The following CDH11 variants were observed in gnomAD, a reference collection of about 807,000 sequenced individuals.
CDH11 encodes the protein cadherin 11.
Under a neutral mutation model 67.8 loss-of-function variants are expected in CDH11, and 11 were observed. The ratio of observed to expected loss-of-function variants is 0.16; its 90% CI spans 0.10 to 0.27. CDH11 has a LOEUF of 0.27. CDH11 is among the 10% of genes least tolerant of loss of function. The probability of loss-of-function intolerance (pLI) is 1.00; values close to 1 mark genes in which losing one functional copy is unlikely to be tolerated. For synonymous variants in CDH11, 419 were observed against 400.0 expected (o/e 1.05, Z -0.57); for missense variants, 847 against 1,031.2 (o/e 0.82, Z 2.45).
At chr16:64,957,600 G>GCACACACA (rs66508762) in intron 11 of CDH11, among the ~76,000 whole-genome samples, 10,831 of 144,958 alleles carry the variant, frequency 0.075, 777 homozygotes, top group African/African-American at 0.19. Flanking sequence ...ACATGCCCGT[G>GCACACACA]CACACACACA....
intron 1 of CDH11, among the ~76,000 whole-genome samples, chr16:65,115,707 C>CAA (rs750108148): frequency 0.059 from 3,519 of 59,228 alleles, 54 homozygotes; most frequent in East Asian, 0.13. Flanking sequence ...AAGGCTACAC[C>CAA]AAAAAAAAAA....
At chr16:64,952,682 ACACT>A (rs34780323) in intron 11 of CDH11, among the ~76,000 whole-genome samples, 39,479 of 151,704 alleles carry the variant, frequency 0.26, 5,901 homozygotes, top group Middle Eastern at 0.36. Context: ...ATACACACAC[ACACT>A]CACACTGAAC....
At chr16:65,073,642 T>C (rs1374572298) in intron 1 of CDH11, among the ~76,000 whole-genome samples, 5 of 152,110 alleles carry the variant, frequency 3.3e-5, no homozygotes. Context: ...CTCTTAAATT[T>C]TGGACCCTGG....
chr16:65,103,886 A>AT (rs1285498745), intron 1 of CDH11, among the ~76,000 whole-genome samples: 10 of 152,326 alleles, frequency 6.6e-5, no homozygotes, highest in Admixed American at 2.6e-4. Flanking sequence ...GTATTGTGTT[A>AT]TAGTTTTGAT....
intron 1 of CDH11, among the ~76,000 whole-genome samples, chr16:65,104,593 A>G (rs1056570826): frequency 2.0e-5 from 3 of 152,220 alleles, no homozygotes; most frequent in Non-Finnish European, 4.4e-5. Context: ...GGACACAACA[A>G]AAGACAGGGG....
chr16:65,085,343 G>T (rs1328283614), intron 1 of CDH11, among the ~76,000 whole-genome samples: 1 of 152,218 alleles, frequency 6.6e-6, no homozygotes, highest in Non-Finnish European at 1.5e-5. Context: ...AACCTGGGTT[G>T]CTGCCCCATT....
rs924217327 is a variant in CDH11, at chr16:65,032,321, T to TC, written c.-173+21482dup. 1.1e-4 allele frequency among the ~76,000 whole-genome samples: 11 copies of TC among 96,364 alleles called. 1 individual carries two copies. In the East Asian group the frequency reaches 2.6e-3, roughly 23 times the overall value. The allele number at this position is 96,364 out of a possible 152,430, so 63.2% of individuals were successfully genotyped here. A position where few individuals can be genotyped will look rare whatever the true frequency, so the allele number is the denominator to read the frequency against. On this transcript the variant is annotated intron_variant, in intron 2 of 12. Transcript: ENST00000268603. The stretch of plus-strand genomic sequence containing the variant: ...GGGCAACATGGAGAAACTCTGTCTC[T>TC]CCCAAAAAAAAAAAAAAAAAAATCC...
At chr16:64,969,249 A>G (rs1467197727) in intron 11 of CDH11, among the ~76,000 whole-genome samples, 2 of 152,202 alleles carry the variant, frequency 1.3e-5, no homozygotes, top group Admixed American at 6.5e-5. Flanking sequence ...GCAACTAAAT[A>G]TGATTGCACA....
intron 2 of CDH11, among the ~76,000 whole-genome samples, chr16:65,018,830 C>A (rs1007475742): frequency 6.6e-6 from 1 of 152,126 alleles, no homozygotes; most frequent in Non-Finnish European, 1.5e-5. Context: ...AACTACTCAT[C>A]AAAATCCTGT....
chr16:65,038,855 A>G (rs575087650), intron 2 of CDH11, among the ~76,000 whole-genome samples: 19 of 152,282 alleles, frequency 1.2e-4, no homozygotes, highest in African/African-American at 4.6e-4. Flanking sequence ...TTCCTACCGC[A>G]CACCTGCCTC....
chr16:65,030,435 T>G (rs1012235536), intron 2 of CDH11, among the ~76,000 whole-genome samples: 1 of 152,230 alleles, frequency 6.6e-6, no homozygotes, highest in Admixed American at 6.5e-5. Context: ...AGTACCATGT[T>G]ATTTTTAGTT....
At chr16:65,061,600 C>T (rs1007535788) in intron 1 of CDH11, among the ~76,000 whole-genome samples, 1 of 152,112 alleles carries the variant, frequency 6.6e-6, no homozygotes. Context: ...CATTAAATGC[C>T]TGTGTTTGTG....
intron 1 of CDH11, among the ~76,000 whole-genome samples, chr16:65,057,333 A>T (rs1361643848): frequency 6.6e-6 from 1 of 152,142 alleles, no homozygotes; most frequent in African/African-American, 2.4e-5. Context: ...CCAGCTCTGC[A>T]CACCATCATG....
intron 2 of CDH11, among the ~76,000 whole-genome samples, chr16:65,022,128 G>A (rs1434922162): frequency 6.6e-6 from 1 of 151,886 alleles, no homozygotes; most frequent in African/African-American, 2.4e-5. Context: ...AGCTTGCAAA[G>A]GATATATCTT....
chr16:64,991,474 T>A (rs1456020819), intron 6 of CDH11: 2 of 325,644 alleles, frequency 6.1e-6, no homozygotes, highest in Non-Finnish European at 1.2e-5. Context: ...AAGGGTTAAT[T>A]AATTACTAGA....
intron 1 of CDH11, among the ~76,000 whole-genome samples, chr16:65,089,986 T>C (rs577068142): frequency 6.6e-6 from 1 of 152,242 alleles, no homozygotes; most frequent in African/African-American, 2.4e-5. Flanking sequence ...GTGGAAAATA[T>C]ATGCAAATTA....
chr16:65,054,081 C>T (rs780179421), intron 1 of CDH11, among the ~76,000 whole-genome samples, 153 bp from the exon 2 acceptor site: 13 of 152,134 alleles, frequency 8.5e-5, no homozygotes, highest in African/African-American at 2.7e-4. Flanking sequence ...ACTAAAATTA[C>T]GTGAAAAGTG....
chr16:65,020,482 A>C (rs2073400351), intron 2 of CDH11, among the ~76,000 whole-genome samples: 1 of 152,114 alleles, frequency 6.6e-6, no homozygotes, highest in African/African-American at 2.4e-5. Context: ...AGAGCACACA[A>C]CCACACCCAG....
In CDH11 at chr16:65,044,540, A is replaced by T. The variant is rs541578235; in HGVS notation, c.-173+9264T>A. 2.6e-5 allele frequency among the ~76,000 whole-genome samples: 4 copies of T among 152,174 alleles called. No homozygotes were observed. The East Asian group carries it at 7.8e-4, about 30-fold the overall frequency. ...GTGATAGACACTGAGGAATCAAGGC[A>T]CTCTCTATACAGAAGGAAAAAGGGA... On this transcript the variant is annotated intron_variant, in intron 2 of 12. Transcript: ENST00000268603.
Sources: gnomAD v4.1 joint callset for allele counts (sites outside exome capture counted in the v4.1 genomes callset) on GRCh38, gnomAD v4.1.1 for gene constraint, MANE v1.5 for transcripts, NCBI Gene and HGNC (gene_info 2026-07-23, HGNC 2026-07-21) for gene names.